The following TYRO3 variants were observed in gnomAD, a reference collection of about 807,000 sequenced individuals.
TYRO3 encodes the protein TYRO3 protein tyrosine kinase, also known as tyrosine-protein kinase receptor TYRO3.
Under a neutral mutation model 95.2 loss-of-function variants are expected in TYRO3, and 38 were observed. The ratio of observed to expected loss-of-function variants is 0.40; its 90% confidence interval spans 0.31 to 0.52. TYRO3 has a LOEUF of 0.52. Ranked by LOEUF, TYRO3 falls within the 20% of genes least tolerant of loss-of-function variation. The pLI is 0.56. For synonymous variants in TYRO3, 367 were observed against 432.9 expected, an observed-to-expected ratio of 0.85 and a Z score of 1.89; for missense variants, 812 against 1,116.4, an observed-to-expected ratio of 0.73 and a Z score of 3.89.
At position 41,578,152 on chromosome 15, in the gene TYRO3, TACTC is replaced by T. The variant is rs1189084092; in HGVS notation, c.2552_2555del (p.Leu851ProfsTer61). ...GGCACTCCCAGTGACTGTCGGTACA[TACTC>T]ACCCCCGGAGGGCTGGCTGAGCAGC... On this transcript the variant is annotated frameshift_variant, in exon 19 of 19. Coordinates refer to ENST00000263798, the MANE Select transcript of TYRO3 (RefSeq NM_006293.4). LOFTEE classifies it high-confidence loss of function. 6.2e-7 allele frequency: 1 copy of T among 1,613,768 alleles called. No individual in the cohort carries two copies. Among genetic ancestry groups the T allele is most frequent in the East Asian group, 2.2e-5 (1 of 44,876 alleles).
chr15:41,573,290 C>CT lies in TYRO3; in HGVS notation c.1986-18_1986-17insT, dbSNP rs778874733. 1.5e-5 allele frequency: 21 copies of CT among 1,441,600 alleles called. No individual in the cohort carries two copies. The highest frequency in any genetic ancestry group is 2.0e-5 in the Non-Finnish European group (21 of 1,043,452). 89.3% of individuals were successfully genotyped at this position (1,441,600 alleles called of 1,614,324 possible). A position where few individuals can be genotyped will look rare whatever the true frequency, so the allele number is the denominator to read the frequency against. ...AGCATGGCAGAAGGCTGACTCTCTC[C>CT]CTCAATGCCCCTTGTAGGCTGGCAG... is the stretch of plus-strand genomic sequence containing the variant. On this transcript the variant is annotated splice_polypyrimidine_tract_variant and intron_variant, in intron 16 of 18. Transcript: ENST00000263798.
At chr15:41,563,387 A>G (rs1013010415) in intron 4 of TYRO3, among the ~76,000 whole-genome samples, 4 of 152,258 alleles carry the variant, frequency 2.6e-5, no homozygotes, top group African/African-American at 9.6e-5. Context: ...AATTGGGCAA[A>G]AAAGATGGGA....
chr15:41,560,942 T>G (rs1421107268), intron 1 of TYRO3, among the ~76,000 whole-genome samples, 185 bp from the exon 2 acceptor site: 1 of 152,208 alleles, frequency 6.6e-6, no homozygotes, highest in African/African-American at 2.4e-5. Context: ...GAGCTTGCCA[T>G]GCCCCTTCCC....
At chr15:41,573,887 G>T in intron 18 of TYRO3, 72 bp downstream of exon 18, 2 of 1,356,256 alleles carry the variant, frequency 1.5e-6, no homozygotes, top group Non-Finnish European at 1.0e-6. Context: ...TGCCACCACA[G>T]TTGCCTCAAC....
At chr15:41,572,880 C>G in intron 15 of TYRO3, 122 bp from the exon 16 acceptor site, 1 of 832,438 alleles carries the variant, frequency 1.2e-6, no homozygotes, top group Non-Finnish European at 1.9e-6. Context: ...GGCCCTCCAT[C>G]CCCTTCCTTC....
chr15:41,566,008 C>T (rs957719657), intron 6 of TYRO3, among the ~76,000 whole-genome samples: 1 of 152,122 alleles, frequency 6.6e-6, no homozygotes, highest in Admixed American at 6.6e-5. Context: ...CTCTGGGCTC[C>T]ACCATTTAGA....
Position 41,570,121 on chromosome 15 carries a change from C to A in TYRO3, c.1347C>A (p.Ile449=). Residue 449 remains isoleucine, a synonymous_variant, in exon 10 of 19, where the codon ATC becomes ATA. Transcript: ENST00000263798. The part of the protein sequence containing the change: ...ALVTAAALAL[I]LLRKRRKETR... ...TGACGGCTGCTGCCCTGGCCCTCATCCTGCTTCGAAAGAGACGGAAAGAGA... is the reference window on the plus strand; with the variant it reads ...TGACGGCTGCTGCCCTGGCCCTCATACTGCTTCGAAAGAGACGGAAAGAGA... The A allele has an allele frequency of 6.2e-7, 1 of 1,614,218 alleles. No individual in the cohort carries two copies. Among genetic ancestry groups the A allele is most frequent in the Non-Finnish European group, 8.5e-7 (1 of 1,180,050 alleles).
rs758303916 is a variant in TYRO3 at position 41,570,073 on chromosome 15, C to A, written c.1299C>A (p.Val433=). Residue 433 remains valine (V), a synonymous_variant, in exon 10 of 19, where the codon GTC becomes GTA. Coordinates refer to ENST00000263798, the MANE Select transcript of TYRO3 (RefSeq NM_006293.4). The part of the protein sequence containing the change: ...PHSRTSWVPV[V]LGVLTALVTA... ...GCCGCACATCCTGGGTACCTGTGGT[C>A]CTTGGTGTGCTAACGGCCCTGGTGA... 8.7e-6 allele frequency: 14 copies of A among 1,614,026 alleles called. No individual in the cohort carries two copies. Among genetic ancestry groups the A allele is most frequent in the African/African-American group, 1.3e-5 (1 of 75,060 alleles).
chr15:41,561,556 G>A lies in TYRO3; in HGVS notation c.326G>A (p.Arg109His), dbSNP rs867342220. The part of the protein sequence containing the change: ...IGFLSLKSVE[R>H]SDAGRYWCQV... ...TTCCACAGCCTGAAGTCAGTGGAGC[G>A]CTCTGACGCCGGCCGGTACTGGTGC... Residue 109 changes from arginine to histidine, a missense_variant, in exon 3 of 19, where the codon CGC becomes CAC. By Grantham distance (29) the Arg-to-His change is conservative. Coordinates refer to ENST00000263798, the MANE Select transcript of TYRO3 (RefSeq NM_006293.4). 3 of 1,589,196 alleles carry A rather than the reference G, an allele frequency of 1.9e-6. No individual in the cohort carries two copies. The highest frequency in any genetic ancestry group is 2.6e-6 in the Non-Finnish European group (3 of 1,169,372).
intron 18 of TYRO3, among the ~76,000 whole-genome samples, chr15:41,576,695 GCT>G (rs1321287636): frequency 8.0e-6 from 1 of 124,698 alleles, no homozygotes; most frequent in Non-Finnish European, 1.6e-5. Context: ...AAAGGGCCTC[GCT>G]CTGACAGCCA....
At chr15:41,564,989 T>A in intron 5 of TYRO3, 37 bp from the exon 6 acceptor site, 1 of 1,402,616 alleles carries the variant, frequency 7.1e-7, no homozygotes, top group Non-Finnish European at 1.0e-6. Flanking sequence ...TCTGCTCATA[T>A]CCCTACTGGG....
chr15:41,571,472 C>G, intron 13 of TYRO3, 123 bp from the exon 14 acceptor site: 1 of 716,354 alleles, frequency 1.4e-6, no homozygotes, highest in Non-Finnish European at 2.5e-6. Flanking sequence ...CTGCTCATGG[C>G]TGGGCTGTTT....
chr15:41,561,345 C>T (rs2055651248), intron 2 of TYRO3, 35 bp downstream of exon 2: 2 of 1,392,186 alleles, frequency 1.4e-6, no homozygotes, highest in Non-Finnish European at 9.7e-7. Flanking sequence ...GGGCTGCCAG[C>T]CAGGGGGCAG....
At chr15:41,573,603 G>A (rs2055826692) in intron 17 of TYRO3, 76 bp from the exon 18 acceptor site, 2 of 1,445,338 alleles carry the variant, frequency 1.4e-6, no homozygotes, top group African/African-American at 1.4e-5. Flanking sequence ...GGTTGTGCTT[G>A]TCTCAGAGCC....
Position 41,559,224 on chromosome 15 carries a change from G to T in TYRO3, c.-34G>T, listed in dbSNP as rs1315973611. On this transcript the variant is annotated 5_prime_UTR_variant, in exon 1 of 19. Transcript: ENST00000263798. Reference sequence around the variant, plus strand: ...CCCGCCCTCCTCCCTCCTCGCTCGCGGGCCGGGCCCGGCATGGTGCGGCGT... The same window carrying T: ...CCCGCCCTCCTCCCTCCTCGCTCGCTGGCCGGGCCCGGCATGGTGCGGCGT... 4.4e-5 allele frequency: 14 copies of T among 316,286 alleles called. No individual in the cohort carries two copies. The East Asian group carries it at 7.4e-4, about 17-fold the overall frequency. The allele number at this position is 316,286 out of a possible 1,614,324, so 19.6% of individuals were successfully genotyped here. A position where few individuals can be genotyped will look rare whatever the true frequency, so the allele number is the denominator to read the frequency against.
chr15:41,579,858 C>T lies in TYRO3; in HGVS notation c.*1582C>T, dbSNP rs962147810. 7 of 151,344 alleles carry T rather than the reference C, an allele frequency of 4.6e-5. No homozygotes were observed. The highest frequency in any genetic ancestry group is 8.8e-5 in the Non-Finnish European group (6 of 67,876). The allele number at this position is 151,344 out of a possible 1,614,324, so 9.4% of individuals were successfully genotyped here. On this transcript the variant is annotated 3_prime_UTR_variant, in exon 19 of 19. Transcript: ENST00000263798. ...CTGCAAGCTCTGCCTCCCAGGTTCA[C>T]GCCATTCTCCTGCCTCAGCCTCCCG... is the stretch of plus-strand genomic sequence containing the variant.
intron 7 of TYRO3, 90 bp downstream of exon 7, chr15:41,567,627 A>C (rs2055740976): frequency 3.3e-6 from 4 of 1,227,656 alleles, no homozygotes; most frequent in Non-Finnish European, 4.3e-6. Flanking sequence ...GCTGGTAGAG[A>C]TGGAGGTTCA....
intron 4 of TYRO3, among the ~76,000 whole-genome samples, chr15:41,563,156 G>C (rs2055678856): frequency 6.6e-6 from 1 of 152,028 alleles, no homozygotes; most frequent in South Asian, 2.1e-4. Flanking sequence ...GAAGGGGTAG[G>C]GGGAGGTTAG....
chr15:41,575,843 G>A (rs549244553), intron 18 of TYRO3, among the ~76,000 whole-genome samples: 1 of 152,114 alleles, frequency 6.6e-6, no homozygotes, highest in East Asian at 1.9e-4. Context: ...GGCAGGGGAC[G>A]GTGGCTCACG....
Sources: gnomAD v4.1 joint callset for allele counts (sites outside exome capture counted in the v4.1 genomes callset) on GRCh38, gnomAD v4.1.1 for gene constraint, MANE v1.5 for transcripts, NCBI Gene and HGNC (gene_info 2026-07-23, HGNC 2026-07-21) for gene names.